Variants in IFT80 observed in about 807,000 individuals in gnomAD.
IFT80 encodes intraflagellar transport 80.
A neutral mutation model predicts 107.9 loss-of-function variants in IFT80; 79 were observed. That is an observed-to-expected ratio of 0.73 (90% CI 0.61 to 0.88). IFT80 has a LOEUF of 0.88. IFT80 is among the 40% of genes least tolerant of loss of function. The pLI, the probability that IFT80 is intolerant of heterozygous loss-of-function variation, is 0.00. For missense variants in IFT80, 797 were observed against 914.2 expected (o/e 0.87, Z 1.65); for synonymous variants, 299 against 300.9 (o/e 0.99, Z 0.07).
rs541718289 is a variant in IFT80, at chr3:160,322,177, C to A, written c.778-2238G>T. ...ATTAGGTATATCTCCTAATGCTATC[C>A]CTCCTCCCTCCCCCGACCCCACAAC... On this transcript the variant is annotated intron_variant, in intron 8 of 19. Transcript: ENST00000326448. Among the ~76,000 whole-genome samples, 35 of 148,778 alleles carry A rather than the reference C, an allele frequency of 2.4e-4. No individual in the cohort carries two copies. In the South Asian group the frequency reaches 6.9e-3, roughly 29 times the overall value.
At chr3:160,398,175 T>C (rs1319345890) in intron 1 of IFT80, among the ~76,000 whole-genome samples, 1 of 152,200 alleles carries the variant, frequency 6.6e-6, no homozygotes, top group Non-Finnish European at 1.5e-5. Context: ...TATCACGATA[T>C]TGAGTCTACG....
intron 10 of IFT80, among the ~76,000 whole-genome samples, chr3:160,304,384 A>G (rs941645412): frequency 6.6e-6 from 1 of 151,740 alleles, no homozygotes; most frequent in Non-Finnish European, 1.5e-5. Context: ...TTTGTTAGAC[A>G]TATCTGGATT....
chr3:160,385,998 T>C (rs1712903355), intron 1 of IFT80, among the ~76,000 whole-genome samples: 2 of 152,224 alleles, frequency 1.3e-5, no homozygotes, highest in African/African-American at 2.4e-5. Flanking sequence ...TTAAAAGACA[T>C]GATGTTATTC....
intron 13 of IFT80, among the ~76,000 whole-genome samples, chr3:160,283,134 T>C (rs1372094391): frequency 6.6e-6 from 1 of 152,200 alleles, no homozygotes; most frequent in Non-Finnish European, 1.5e-5. Context: ...ATACTTACTT[T>C]GCAAATCAGA....
At chr3:160,277,200 G>A (rs1426275678) in intron 18 of IFT80, 106 bp downstream of exon 18, 2 of 931,766 alleles carry the variant, frequency 2.1e-6, no homozygotes, top group Admixed American at 1.7e-5. Flanking sequence ...CTTCTGTGGT[G>A]TTAAGAAACT....
chr3:160,268,531 A>G lies in IFT80; in HGVS notation c.2105T>C (p.Leu702Pro), dbSNP rs1402854200. Residue 702 changes from leucine to proline, a missense_variant, in exon 19 of 20, where the codon CTG becomes CCG. Physicochemically the swap from Leu to Pro is moderately conservative, Grantham distance 98. Coordinates refer to ENST00000326448, the MANE Select transcript of IFT80 (RefSeq NM_020800.3). ...TGTTTTGTATTTTACAGCCAATTCCAGTGCCCTATAATGAGAAATAAAACA... is the reference window on the plus strand; with the variant it reads ...TGTTTTGTATTTTACAGCCAATTCCGGTGCCCTATAATGAGAAATAAAACA... ...NINLYNWERALELAVKYKTHV... is the reference protein window; with the variant it reads ...NINLYNWERAPELAVKYKTHV... The G allele has an allele frequency of 6.2e-7, 1 of 1,613,222 alleles. No individual in the cohort carries two copies. The highest frequency in any genetic ancestry group is 8.5e-7 in the Non-Finnish European group (1 of 1,179,376).
intron 9 of IFT80, among the ~76,000 whole-genome samples, chr3:160,313,518 G>A (rs1000805883): frequency 2.0e-5 from 3 of 151,656 alleles, no homozygotes; most frequent in African/African-American, 7.3e-5. Context: ...AAGCATCCTA[G>A]CCATAATAAG....
chr3:160,387,052 C>G (rs770733137), intron 1 of IFT80, among the ~76,000 whole-genome samples: 3 of 151,992 alleles, frequency 2.0e-5, no homozygotes, highest in African/African-American at 7.3e-5. Flanking sequence ...TAAGACTGGA[C>G]GCAGTAAGAC....
chr3:160,270,990 C>T (rs911507441), intron 18 of IFT80, among the ~76,000 whole-genome samples: 2 of 152,104 alleles, frequency 1.3e-5, no homozygotes, highest in African/African-American at 4.8e-5. Context: ...AACATCAATA[C>T]ATTTAATTAT....
chr3:160,303,920 T>C lies in IFT80; in HGVS notation c.1146A>G (p.Ala382=), dbSNP rs1389588962. 1 of 1,598,342 alleles carries C rather than the reference T, an allele frequency of 6.3e-7. No homozygotes were observed. The highest frequency in any genetic ancestry group is 8.6e-7 in the Non-Finnish European group (1 of 1,165,946). Residue 382 remains alanine (A), a synonymous_variant, in exon 11 of 20, where the codon GCA becomes GCG. Coordinates refer to ENST00000326448, the MANE Select transcript of IFT80 (RefSeq NM_020800.3). ...AGTTAAACATAATAAATTACCTTTC[T>C]GCCTGCAGAATCAAACTAACAGTTC... is the stretch of plus-strand genomic sequence containing the variant. ...KEGTVSLILQ[A]ERHFLLVDGS...
chr3:160,261,607 C>T (rs1187756173), intron 19 of IFT80, among the ~76,000 whole-genome samples: 1 of 150,176 alleles, frequency 6.7e-6, no homozygotes. Context: ...CAAGACCAGC[C>T]TGGGCAACAT....
intron 1 of IFT80, among the ~76,000 whole-genome samples, chr3:160,397,711 C>G: frequency 7.7e-6 from 1 of 130,302 alleles, no homozygotes; most frequent in East Asian, 2.1e-4. Context: ...TCAATTTGGT[C>G]TATACTTTTT....
chr3:160,352,059 A>C (rs1720748912), intron 8 of IFT80, among the ~76,000 whole-genome samples: 1 of 150,990 alleles, frequency 6.6e-6, no homozygotes, highest in Non-Finnish European at 1.5e-5. Context: ...TCTGTCACCC[A>C]GGCTGGAGTG....
intron 8 of IFT80, among the ~76,000 whole-genome samples, chr3:160,337,663 G>A (rs573527328): frequency 4.6e-5 from 7 of 151,630 alleles, no homozygotes; most frequent in African/African-American, 9.7e-5. Flanking sequence ...TAAAATCTTC[G>A]GCTTGCCTAT....
At chr3:160,389,395 A>T (rs1216056684) in intron 1 of IFT80, among the ~76,000 whole-genome samples, 1 of 151,660 alleles carries the variant, frequency 6.6e-6, no homozygotes, top group Admixed American at 6.6e-5. Flanking sequence ...TTAGTTACAT[A>T]TGTATACATG....
intron 8 of IFT80, among the ~76,000 whole-genome samples, chr3:160,334,016 G>A (rs1315345572): frequency 6.6e-6 from 1 of 152,070 alleles, no homozygotes; most frequent in African/African-American, 2.4e-5. Context: ...TAGGCAATAG[G>A]AATTTTTCAA....
rs543783197 is a variant in IFT80, at chr3:160,282,069, G to A, written c.1516+409C>T. Among the ~76,000 whole-genome samples the A allele has an allele frequency of 3.9e-5, 6 of 152,304 alleles. No homozygotes were observed. The South Asian group carries it at 1.2e-3, about 32-fold the overall frequency. ...GAGGCAGGTGGATGGCTTGAGCTCA[G>A]GAGTTCGAGACCAGCCTGGGCAACA... is the stretch of plus-strand genomic sequence containing the variant. On this transcript the variant is annotated intron_variant, in intron 14 of 19. Coordinates refer to ENST00000326448, the MANE Select transcript of IFT80 (RefSeq NM_020800.3).
intron 9 of IFT80, among the ~76,000 whole-genome samples, chr3:160,308,729 TCAAAGAAGTA>T (rs1458789586): frequency 3.9e-5 from 6 of 152,170 alleles, no homozygotes; most frequent in African/African-American, 1.4e-4. Flanking sequence ...TATAAGTACT[TCAAAGAAGTA>T]CTTAGGCCTA....
intron 8 of IFT80, among the ~76,000 whole-genome samples, chr3:160,333,264 T>C (rs74856634): frequency 0.029 from 4,477 of 152,320 alleles, 101 homozygotes; most frequent in East Asian, 0.083. Context: ...GGTGAGTTAA[T>C]GTGAAGGCCT....
Sources: allele counts gnomAD v4.1 joint callset (sites outside exome capture counted in the v4.1 genomes callset), GRCh38; gene constraint gnomAD v4.1.1; transcripts MANE v1.5; gene names NCBI Gene and HGNC (gene_info 2026-07-23, HGNC 2026-07-21).